Variants in GNAQ observed in about 807,000 individuals in gnomAD.
The protein encoded by GNAQ is guanine nucleotide-binding protein G(q) subunit alpha.
Under a neutral mutation model 43.9 loss-of-function variants are expected in GNAQ, and 8 were observed. That is an observed-to-expected ratio of 0.18 (90% CI 0.11 to 0.33). The LOEUF (loss-of-function observed/expected upper bound fraction) is 0.33, where lower values mean the gene tolerates loss of function less well. Among genes scored for constraint, GNAQ ranks in the 10% least tolerant of loss-of-function variants. The pLI is 1.00. For synonymous variants in GNAQ, 155 were observed against 170.7 expected (o/e 0.91, Z 0.71); for missense variants, 158 against 450.8 (o/e 0.35, Z 5.88).
chr9:77,856,553 G>GTGA (rs1240871153), intron 2 of GNAQ, among the ~76,000 whole-genome samples: 3 of 152,132 alleles, frequency 2.0e-5, no homozygotes, highest in Non-Finnish European at 4.4e-5. Context: ...TAACATCTAA[G>GTGA]TGATTCTTTT....
intron 2 of GNAQ, among the ~76,000 whole-genome samples, chr9:77,874,589 T>C (rs1454152674): frequency 6.6e-6 from 1 of 152,120 alleles, no homozygotes; most frequent in African/African-American, 2.4e-5. Context: ...CCATGTCTAC[T>C]TACATTCAGG....
intron 1 of GNAQ, among the ~76,000 whole-genome samples, chr9:77,959,617 T>C (rs1381633925): frequency 6.6e-6 from 1 of 152,238 alleles, no homozygotes; most frequent in Non-Finnish European, 1.5e-5. Flanking sequence ...CAAAACATTA[T>C]AGCACAGTAT....
intron 6 of GNAQ, among the ~76,000 whole-genome samples, chr9:77,727,803 C>T (rs1825420979): frequency 6.6e-6 from 1 of 152,256 alleles, no homozygotes; most frequent in Non-Finnish European, 1.5e-5. Flanking sequence ...ACTGGGATCT[C>T]AACCTTGATA....
At position 78,018,092 on chromosome 9, in the gene GNAQ, T is replaced by G. The variant is rs527701954; in HGVS notation, c.136+13008A>C. Among the ~76,000 whole-genome samples the G allele has an allele frequency of 4.6e-5, 7 of 152,130 alleles. 1 individual carries two copies. The Middle Eastern group carries it at 0.01, about 222-fold the overall frequency. On this transcript the variant is annotated intron_variant, in intron 1 of 6. Transcript: ENST00000286548. ...ATCTATTCTAACAAAATTATGTGTG[T>G]GCATGTTTTAAAAAGCTATCTCCAC...
chr9:77,754,316 A>T (rs893501832), intron 5 of GNAQ, among the ~76,000 whole-genome samples: 4 of 152,180 alleles, frequency 2.6e-5, no homozygotes, highest in Admixed American at 6.5e-5. Flanking sequence ...GCTTCTTAAG[A>T]ACAGGGGCAA....
At chr9:77,723,497 C>T (rs906927601) in intron 6 of GNAQ, among the ~76,000 whole-genome samples, 18 of 152,162 alleles carry the variant, frequency 1.2e-4, no homozygotes, top group African/African-American at 3.6e-4. Context: ...TTGTTAACAA[C>T]AGCTAAAAGG....
At chr9:77,990,693 G>A (rs1377337977) in intron 1 of GNAQ, among the ~76,000 whole-genome samples, 1 of 152,194 alleles carries the variant, frequency 6.6e-6, no homozygotes, top group African/African-American at 2.4e-5. Context: ...AATGTTATCA[G>A]AGACAATAGC....
intron 2 of GNAQ, among the ~76,000 whole-genome samples, chr9:77,878,445 C>G (rs1453024275): frequency 1.3e-5 from 2 of 152,038 alleles, no homozygotes; most frequent in Non-Finnish European, 2.9e-5. Context: ...TTCTTCATCT[C>G]TAAGACGATC....
intron 5 of GNAQ, among the ~76,000 whole-genome samples, chr9:77,746,400 G>C (rs564867107): frequency 1.3e-5 from 2 of 152,104 alleles, no homozygotes; most frequent in Non-Finnish European, 2.9e-5. Flanking sequence ...GGAACAACCA[G>C]TCCTGATTAG....
In GNAQ at chr9:77,922,290, C is replaced by G. The variant is rs762301165; in HGVS notation, c.192G>C (p.Gly64=). The change falls in exon 2 of 7, where the codon GGG becomes GGC. Residue 64 remains glycine (G), a synonymous_variant. Coordinates refer to ENST00000286548, the MANE Select transcript of GNAQ (RefSeq NM_002072.5). The part of the protein sequence containing the change: ...TFIKQMRIIH[G]SGYSDEDKRG... Reference sequence around the variant, plus strand: ...TTTTATCTTCATCAGAGTATCCTGACCCATGGATGATTCTCATCTGCTTGA... The same window carrying G: ...TTTTATCTTCATCAGAGTATCCTGAGCCATGGATGATTCTCATCTGCTTGA... The G allele has an allele frequency of 8.1e-6, 13 of 1,612,836 alleles. No homozygotes were observed. The highest frequency in any genetic ancestry group is 1.1e-5 in the Non-Finnish European group (13 of 1,179,026).
At chr9:77,995,992 C>T (rs748080801) in intron 1 of GNAQ, among the ~76,000 whole-genome samples, 1 of 152,136 alleles carries the variant, frequency 6.6e-6, no homozygotes. Context: ...AAGAAGACTG[C>T]GTATAGAAAG....
At chr9:77,771,337 C>T (rs1346260155) in intron 5 of GNAQ, among the ~76,000 whole-genome samples, 1 of 152,150 alleles carries the variant, frequency 6.6e-6, no homozygotes, top group Non-Finnish European at 1.5e-5. Flanking sequence ...AGCCTGGTAC[C>T]ACTGGGGAAG....
intron 1 of GNAQ, among the ~76,000 whole-genome samples, chr9:78,022,780 T>C (rs553629880): frequency 6.8e-4 from 103 of 152,186 alleles, no homozygotes; most frequent in Non-Finnish European, 5.4e-4. Context: ...ACGCATACTA[T>C]AATGAAGGAG....
intron 2 of GNAQ, among the ~76,000 whole-genome samples, chr9:77,914,450 G>C (rs1828862241): frequency 6.6e-6 from 1 of 152,108 alleles, no homozygotes; most frequent in Admixed American, 6.5e-5. Flanking sequence ...CCTGAGGTTG[G>C]GAGTTTGAGA....
In GNAQ at chr9:77,742,910, G is replaced by C. The variant is rs140894381; in HGVS notation, c.736-14243C>G. Among the ~76,000 whole-genome samples the C allele has an allele frequency of 6.8e-4, 103 of 152,290 alleles. No homozygotes were observed. In the East Asian group the frequency reaches 0.018, roughly 27 times the overall value. On this transcript the variant is annotated intron_variant, in intron 5 of 6. Coordinates refer to ENST00000286548, the MANE Select transcript of GNAQ (RefSeq NM_002072.5). ...AAAATGCTGGGTAAAAGATGAGGGA[G>C]AGTTGTCCCACAGTCACCAGTACAG...
intron 1 of GNAQ, among the ~76,000 whole-genome samples, chr9:78,030,777 C>A (rs1183860515): frequency 6.6e-6 from 1 of 152,104 alleles, no homozygotes. Flanking sequence ...GAGTGATCTG[C>A]CATTTAGCAG....
chr9:77,760,246 T>A (rs1379216318), intron 5 of GNAQ, among the ~76,000 whole-genome samples: 1 of 149,744 alleles, frequency 6.7e-6, no homozygotes, highest in Admixed American at 6.7e-5. Context: ...ACGGTCTCCC[T>A]CTGATGCCGA....
intron 1 of GNAQ, among the ~76,000 whole-genome samples, chr9:77,974,766 T>G (rs1258311365): frequency 6.6e-6 from 1 of 152,232 alleles, no homozygotes; most frequent in African/African-American, 2.4e-5. Flanking sequence ...TCAACCTAAC[T>G]ACCCCACGTT....
intron 5 of GNAQ, among the ~76,000 whole-genome samples, chr9:77,757,415 TC>T: frequency 6.6e-6 from 1 of 152,184 alleles, no homozygotes. Flanking sequence ...CACATGTATT[TC>T]CACCATTACG....
Sources: allele counts gnomAD v4.1 joint callset (sites outside exome capture counted in the v4.1 genomes callset), GRCh38; gene constraint gnomAD v4.1.1; transcripts MANE v1.5; gene names NCBI Gene and HGNC (gene_info 2026-07-23, HGNC 2026-07-21).